TMEFF2: variants seen among roughly 807,000 people sequenced by gnomAD.
TMEFF2 encodes tomoregulin-2.
TMEFF2 carries 28 observed loss-of-function variants against 53.8 expected under a neutral mutation model. The ratio of observed to expected loss-of-function variants is 0.52; its 90% CI spans 0.39 to 0.71. The LOEUF is 0.71. Among genes scored for constraint, TMEFF2 ranks in the 30% least tolerant of loss-of-function variants. TMEFF2 has a pLI of 0.00. For missense variants in TMEFF2, 353 were observed against 455.2 expected, an observed-to-expected ratio of 0.78 and a Z score of 2.04; for synonymous variants, 162 against 166.3, an observed-to-expected ratio of 0.97 and a Z score of 0.20.
At chr2:192,020,714 G>A (rs766026874) in intron 5 of TMEFF2, among the ~76,000 whole-genome samples, 4 of 152,058 alleles carry the variant, frequency 2.6e-5, no homozygotes, top group Non-Finnish European at 5.9e-5. Context: ...TTTAACTTGA[G>A]ACCTTGAAGA....
rs1487114446 is a variant in TMEFF2, at chr2:192,130,523, A to G, written c.439+49145T>C. Among the ~76,000 whole-genome samples the G allele has an allele frequency of 2.6e-5, 4 of 152,146 alleles. No individual in the cohort carries two copies. The East Asian group carries it at 7.8e-4, about 30-fold the overall frequency. On this transcript the variant is annotated intron_variant, in intron 4 of 9. Coordinates refer to ENST00000272771, the MANE Select transcript of TMEFF2 (RefSeq NM_016192.4). ...CCGCCTTGACTGATGACACTCCACCATTGTGATTTGTTCCTGCCCCACCTT... is the reference window on the plus strand; with the variant it reads ...CCGCCTTGACTGATGACACTCCACCGTTGTGATTTGTTCCTGCCCCACCTT...
chr2:192,014,984 A>G (rs1224172684), intron 5 of TMEFF2, among the ~76,000 whole-genome samples: 1 of 152,186 alleles, frequency 6.6e-6, no homozygotes, highest in Non-Finnish European at 1.5e-5. Context: ...CTCATAAGGC[A>G]TCTTTGCAGT....
At chr2:192,182,005 G>C (rs1203498179) in intron 3 of TMEFF2, among the ~76,000 whole-genome samples, 1 of 151,710 alleles carries the variant, frequency 6.6e-6, no homozygotes, top group African/African-American at 2.4e-5. Context: ...CCTAAGAAAA[G>C]AAGTCATGCT....
At chr2:192,190,181 A>G (rs541421829) in intron 2 of TMEFF2, among the ~76,000 whole-genome samples, 1 of 152,208 alleles carries the variant, frequency 6.6e-6, no homozygotes, top group Non-Finnish European at 1.5e-5. Context: ...ATTTCGTAGC[A>G]TTCATCCCTT....
At chr2:192,131,995 C>T (rs1009049821) in intron 4 of TMEFF2, among the ~76,000 whole-genome samples, 5 of 151,914 alleles carry the variant, frequency 3.3e-5, no homozygotes, top group Non-Finnish European at 4.4e-5. Context: ...CAGTGCAACT[C>T]GTCCCAAATC....
chr2:192,194,294 C>A lies in TMEFF2; in HGVS notation c.172+59G>T. 1 of 1,595,776 alleles carries A rather than the reference C, an allele frequency of 6.3e-7. No individual in the cohort carries two copies. Among genetic ancestry groups the A allele is most frequent in the South Asian group, 1.1e-5 (1 of 88,480 alleles). ...GCGCGCTAGGGTAGGCTGGTCTGTG[C>A]TGGATACGCGTGTTCTTCTGCGGAG... On this transcript the variant is annotated intron_variant, in intron 1 of 9. Transcript: ENST00000272771. The surrounding 1 kb of genome is among the most constrained non-coding windows in gnomAD (Gnocchi z 4.2).
At chr2:192,077,835 G>A (rs1272674177) in intron 4 of TMEFF2, among the ~76,000 whole-genome samples, 5 of 151,906 alleles carry the variant, frequency 3.3e-5, no homozygotes, top group South Asian at 2.1e-4. Flanking sequence ...TAAGCACAAC[G>A]TTCTGATTTC....
At chr2:192,097,203 T>C (rs1688933506) in intron 4 of TMEFF2, among the ~76,000 whole-genome samples, 1 of 152,232 alleles carries the variant, frequency 6.6e-6, no homozygotes, top group Admixed American at 6.5e-5. Flanking sequence ...GCTCCTTTAA[T>C]TGTTTATTAC....
chr2:192,126,357 T>A (rs1205169300), intron 4 of TMEFF2, among the ~76,000 whole-genome samples: 1 of 152,212 alleles, frequency 6.6e-6, no homozygotes, highest in African/African-American at 2.4e-5. Context: ...TGCTAATACA[T>A]CTGCCAAGTC....
intron 3 of TMEFF2, among the ~76,000 whole-genome samples, chr2:192,182,731 A>C (rs1427434304): frequency 6.6e-6 from 1 of 151,968 alleles, no homozygotes; most frequent in African/African-American, 2.4e-5. Flanking sequence ...ATCCTCCATG[A>C]TCTTGATCTT....
chr2:191,983,807 CT>C (rs544557336), intron 7 of TMEFF2, among the ~76,000 whole-genome samples: 2 of 152,270 alleles, frequency 1.3e-5, no homozygotes, highest in East Asian at 3.9e-4. Context: ...GATCATCTGC[CT>C]AATGTTTATA....
At chr2:191,959,716 A>G (rs1692216165) in intron 7 of TMEFF2, among the ~76,000 whole-genome samples, 1 of 152,214 alleles carries the variant, frequency 6.6e-6, no homozygotes, top group Non-Finnish European at 1.5e-5. Context: ...TATCAAAGGA[A>G]CACATTATGG....
intron 4 of TMEFF2, among the ~76,000 whole-genome samples, chr2:192,163,722 A>G (rs1690687346): frequency 6.6e-6 from 1 of 152,198 alleles, no homozygotes; most frequent in Admixed American, 6.5e-5. Context: ...TTGGTTTTTA[A>G]AATAATGCTT....
chr2:191,971,782 C>T (rs1017328492), intron 7 of TMEFF2, among the ~76,000 whole-genome samples: 1 of 152,064 alleles, frequency 6.6e-6, no homozygotes, highest in African/African-American at 2.4e-5. Flanking sequence ...GAAGAGCATG[C>T]ATATTAGAGA....
Position 192,089,557 on chromosome 2 carries a change from A to G in TMEFF2, c.440-31782T>C, listed in dbSNP as rs1041208992. On this transcript the variant is annotated intron_variant, in intron 4 of 9. Transcript: ENST00000272771. ...TCTTCATGTATTTCTCCATACCCAC[A>G]GAGTCCTGACCATTTTTTCGTGAGA... 1.1e-4 allele frequency among the ~76,000 whole-genome samples: 16 copies of G among 152,204 alleles called. No homozygotes were observed. In the South Asian group the frequency reaches 1.9e-3, roughly 18 times the overall value.
chr2:192,005,253 A>G (rs140192900), intron 5 of TMEFF2, among the ~76,000 whole-genome samples: 1 of 152,324 alleles, frequency 6.6e-6, no homozygotes, highest in Non-Finnish European at 1.5e-5. Flanking sequence ...ACTCACATAC[A>G]TTTGTAACTA....
intron 5 of TMEFF2, among the ~76,000 whole-genome samples, chr2:192,013,717 T>C (rs970444198): frequency 3.3e-5 from 5 of 152,340 alleles, no homozygotes; most frequent in Admixed American, 6.5e-5. Flanking sequence ...CCCAAAGTGC[T>C]GGGATTTACA....
intron 4 of TMEFF2, among the ~76,000 whole-genome samples, chr2:192,138,381 T>C (rs1473492617): frequency 6.6e-6 from 1 of 152,210 alleles, no homozygotes; most frequent in African/African-American, 2.4e-5. Flanking sequence ...AATGTAGGGA[T>C]GATGCTTTAC....
intron 7 of TMEFF2, among the ~76,000 whole-genome samples, chr2:191,963,788 A>G (rs1692337211): frequency 6.6e-6 from 1 of 152,202 alleles, no homozygotes; most frequent in Non-Finnish European, 1.5e-5. Context: ...TCTAAAGACA[A>G]TCAAGAAAAC....
Sources: gnomAD v4.1 joint callset for allele counts (sites outside exome capture counted in the v4.1 genomes callset) on GRCh38, gnomAD v4.1.1 for gene constraint, Gnocchi (gnomAD v3.1) non-coding constraint, MANE v1.5 for transcripts, NCBI Gene and HGNC (gene_info 2026-07-23, HGNC 2026-07-21) for gene names.